POLL: variants seen among roughly 807,000 people sequenced by gnomAD.
POLL encodes the protein DNA polymerase beta-2.
A neutral mutation model predicts 58.1 loss-of-function variants in POLL; 44 were observed. The ratio of observed to expected loss-of-function variants is 0.76; its 90% CI spans 0.60 to 0.97. POLL has a LOEUF of 0.97. Ranked by LOEUF, POLL falls within the 50% of genes least tolerant of loss-of-function variation. The pLI is 0.00. For missense variants in POLL, 632 were observed against 736.8 expected (o/e 0.86, Z 1.65); for synonymous variants, 290 against 283.2 (o/e 1.02, Z -0.24).
intron 3 of POLL, 129 bp downstream of exon 3, chr10:101,585,733 T>A: frequency 1.1e-6 from 1 of 879,544 alleles, no homozygotes; most frequent in Non-Finnish European, 1.7e-6. Flanking sequence ...CTCTTATAGC[T>A]GGGACTACAG....
chr10:101,584,992 A>C, intron 4 of POLL, 73 bp from the exon 5 acceptor site: 3 of 967,056 alleles, frequency 3.1e-6, no homozygotes, highest in Non-Finnish European at 4.2e-6. Context: ...GGTGGGGGTC[A>C]TCTTCTTTGT....
Position 101,585,854 on chromosome 10 carries a change from C to A in POLL, c.410+8G>T. On this transcript the variant is annotated splice_region_variant and intron_variant, in intron 3 of 8. Coordinates refer to ENST00000370162, the MANE Select transcript of POLL (RefSeq NM_001174084.2). ...AAACATTTGAAAAAAAGACTGGGAT[C>A]AGCCCACCTACTGGGGATGAAGATG... 6.5e-7 allele frequency: 1 copy of A among 1,533,680 alleles called. No homozygotes were observed. The highest frequency in any genetic ancestry group is 2.1e-5 in the Admixed American group (1 of 48,380).
Position 101,583,549 on chromosome 10 carries a change from A to C in POLL, c.1024T>G (p.Trp342Gly). 6.2e-7 allele frequency: 1 copy of C among 1,613,820 alleles called. No individual in the cohort carries two copies. Among genetic ancestry groups the C allele is most frequent in the Non-Finnish European group, 8.5e-7 (1 of 1,180,038 alleles). The change falls in exon 6 of 9, where the codon TGG becomes GGG. Residue 342 changes from tryptophan to glycine, a missense_variant. Trp to Gly is a radical substitution (Grantham distance 184). Transcript: ENST00000370162. The part of the protein sequence containing the change: ...VPVLELFSNI[W>G]GAGTKTAQMW... ...TGGGCAGTCTTGGTCCCAGCTCCCCAGATGTTGGAGAAGAGCTCCAAGACA... is the reference window on the plus strand; with the variant it reads ...TGGGCAGTCTTGGTCCCAGCTCCCCCGATGTTGGAGAAGAGCTCCAAGACA...
intron 2 of POLL, among the ~76,000 whole-genome samples, chr10:101,586,619 G>A (rs371338430): frequency 5.3e-4 from 81 of 152,102 alleles, no homozygotes; most frequent in African/African-American, 1.8e-3. Context: ...TCAGCCTCCC[G>A]AGTAGCTGGG....
rs756169685 is a variant in POLL at position 101,584,749 on chromosome 10, C to T, written c.744G>A (p.Lys248=). 1.2e-6 allele frequency: 2 copies of T among 1,614,090 alleles called. No individual in the cohort carries two copies. Among genetic ancestry groups the T allele is most frequent in the Non-Finnish European group, 1.7e-6 (2 of 1,179,976 alleles). Residue 248 remains lysine, a synonymous_variant, in exon 5 of 9, where the codon AAG becomes AAA. Transcript: ENST00000370162. The part of the protein sequence containing the change: ...KWVCAQPSSQ[K]ATNHNLHITE... ...TGATATGGAGGTTGTGATTGGTCGC[C>T]TTCTGGCTTGAGGGCTGTGCACAGA... is the stretch of plus-strand genomic sequence containing the variant.
chr10:101,579,920 T>A lies in POLL; in HGVS notation c.1364-103A>T. On this transcript the variant is annotated intron_variant, in intron 8 of 8. Coordinates refer to ENST00000370162, the MANE Select transcript of POLL (RefSeq NM_001174084.2). This position sits in a 1 kb window ranked among gnomAD's most constrained non-coding sequence, Gnocchi z 4.4. ...GTCTAAGCTGGGGCTTGCCCAGGTA[T>A]TAGCTGGGTGACACTACCCTCTCTG... The A allele has an allele frequency of 7.5e-7, 1 of 1,337,048 alleles. No homozygotes were observed. The highest frequency in any genetic ancestry group is 1.0e-6 in the Non-Finnish European group (1 of 985,668). The allele number at this position is 1,337,048 out of a possible 1,614,324, so 82.8% of individuals were successfully genotyped here. A position where few individuals can be genotyped will look rare whatever the true frequency, so the allele number is the denominator to read the frequency against.
rs995758361 is a variant in POLL at position 101,583,571 on chromosome 10, G to A, written c.1002C>T (p.Val334=). 1 of 1,614,030 alleles carries A rather than the reference G, an allele frequency of 6.2e-7. No individual in the cohort carries two copies. The highest frequency in any genetic ancestry group is 8.5e-7 in the Non-Finnish European group (1 of 1,180,010). The change falls in exon 6 of 9, where the codon GTC becomes GTT. Residue 334 remains valine, a synonymous_variant. Transcript: ENST00000370162. ...KLDHISESVP[V]LELFSNIWGA... ...CCCAGATGTTGGAGAAGAGCTCCAA[G>A]ACAGGCACGCTCTCACTGATATGGT...
Position 101,585,986 on chromosome 10 carries a change from G to C in POLL, c.286C>G (p.Arg96Gly). The change falls in exon 3 of 9, where the codon CGC becomes GGC. Residue 96 changes from arginine (R) to glycine (G), a missense_variant. Coordinates refer to ENST00000370162, the MANE Select transcript of POLL (RefSeq NM_001174084.2). ...DEGMDYERAL[R>G]LLRLPQLPPG... is the part of the protein sequence containing the mutation. ...GGCAGCTGGGGTAGTCTGAGAAGGC[G>C]GAGGGCTCGCTCATAGTCCATGCCT... is the stretch of plus-strand genomic sequence containing the variant. The C allele has an allele frequency of 1.9e-6, 3 of 1,614,110 alleles. No homozygotes were observed. Among genetic ancestry groups the C allele is most frequent in the Non-Finnish European group, 1.7e-6 (2 of 1,180,030 alleles).
rs201665669 is a variant in POLL at position 101,580,313 on chromosome 10, G to A, written c.1298C>T (p.Thr433Ile). Reference sequence around the variant, plus strand: ...CCGGTGGGACCGGCCATCTGGGTGAGTGATGAGCACGTCGACATCACCACA... The same window carrying A: ...CCGGTGGGACCGGCCATCTGGGTGAATGATGAGCACGTCGACATCACCACA... ...ATCGDVDVLI[T>I]HPDGRSHRGI... is the part of the protein sequence containing the mutation. The change falls in exon 8 of 9, where the codon ACT (threonine) becomes ATT (isoleucine). Residue 433 changes from threonine to isoleucine, a missense_variant. Thr to Ile is a moderately conservative substitution (Grantham distance 89). Transcript: ENST00000370162. This position sits in a 1 kb window ranked among gnomAD's most constrained non-coding sequence, Gnocchi z 4.1. The A allele has an allele frequency of 2.5e-6, 4 of 1,614,006 alleles. No individual in the cohort carries two copies. In the African/African-American group the frequency reaches 4.0e-5, roughly 16 times the overall value.
At position 101,587,634 on chromosome 10, in the gene POLL, G is replaced by T. The variant is rs56381759; in HGVS notation, c.-47+188C>A. On this transcript the variant is annotated intron_variant, in intron 1 of 8. Transcript: ENST00000370162. ...GAGGGGAAGGCTGGTGCCATCGGGGGTACTTTTGAGGAGTAGGAAACGACA... is the reference window on the plus strand; with the variant it reads ...GAGGGGAAGGCTGGTGCCATCGGGGTTACTTTTGAGGAGTAGGAAACGACA... The T allele has an allele frequency of 4.5e-5, 44 of 968,808 alleles. No individual in the cohort carries two copies. The East Asian group carries it at 1.9e-3, about 41-fold the overall frequency. The allele number at this position is 968,808 out of a possible 1,614,324, so 60.0% of individuals were successfully genotyped here. A position where few individuals can be genotyped will look rare whatever the true frequency, so the allele number is the denominator to read the frequency against.
At chr10:101,581,996 C>A (rs1266293411) in intron 7 of POLL, 1 of 152,014 alleles carries the variant, frequency 6.6e-6, no homozygotes, top group Non-Finnish European at 1.5e-5. Context: ...TTAGTAGAGA[C>A]GGGGTTTCGC....
chr10:101,583,564 G>A lies in POLL; in HGVS notation c.1009C>T (p.Leu337Phe), dbSNP rs1367802603. Reference protein sequence around the residue: ...HISESVPVLELFSNIWGAGTK... With the variant: ...HISESVPVLEFFSNIWGAGTK... ...CCAGCTCCCCAGATGTTGGAGAAGA[G>A]CTCCAAGACAGGCACGCTCTCACTG... The change falls in exon 6 of 9, where the codon CTC becomes TTC. Residue 337 changes from leucine (L) to phenylalanine (F), a missense_variant. Coordinates refer to ENST00000370162, the MANE Select transcript of POLL (RefSeq NM_001174084.2). 2 of 1,613,794 alleles carry A rather than the reference G, an allele frequency of 1.2e-6. No individual in the cohort carries two copies. Among genetic ancestry groups the A allele is most frequent in the Non-Finnish European group, 1.7e-6 (2 of 1,179,982 alleles).
chr10:101,586,088 C>G lies in POLL; in HGVS notation c.184G>C (p.Glu62Gln). ...GIGRARAELF[E>Q]KQIVQHGGQL... is the part of the protein sequence containing the mutation. The stretch of plus-strand genomic sequence containing the variant: ...CCGCCATGCTGAACAATCTGCTTCT[C>G]AAAGAGTTCTGCCCGGGCTCGTCCA... Residue 62 changes from glutamate (E) to glutamine (Q), a missense_variant, in exon 3 of 9, where the codon GAG becomes CAG. Physicochemically the swap from Glu to Gln is conservative, Grantham distance 29 (BLOSUM62 2). Transcript: ENST00000370162. 6.2e-7 allele frequency: 1 copy of G among 1,614,020 alleles called. No individual in the cohort carries two copies.
intron 5 of POLL, 122 bp downstream of exon 5, chr10:101,584,480 C>CT (rs1276507307): frequency 1.2e-4 from 67 of 568,408 alleles, no homozygotes; most frequent in Non-Finnish European, 1.6e-4. Flanking sequence ...ATCAATTTTC[C>CT]TTTTTTTTCT....
intron 6 of POLL, 52 bp downstream of exon 6, chr10:101,583,456 A>G (rs1213233381): frequency 3.6e-5 from 58 of 1,590,918 alleles, no homozygotes; most frequent in Non-Finnish European, 4.8e-5. Context: ...CATCTGGGGC[A>G]GGAACTCTGA....
chr10:101,583,939 T>TCAC (rs534639231), intron 5 of POLL, among the ~76,000 whole-genome samples: 409 of 152,120 alleles, frequency 2.7e-3, no homozygotes, highest in African/African-American at 9.3e-3. Context: ...ATGATATTAG[T>TCAC]CACCACCACC....
chr10:101,585,421 G>T lies in POLL; in HGVS notation c.468C>A (p.Gly156=). 1 of 1,606,062 alleles carries T rather than the reference G, an allele frequency of 6.2e-7. No individual in the cohort carries two copies. The highest frequency in any genetic ancestry group is 8.5e-7 in the Non-Finnish European group (1 of 1,176,170). ...CTGTCTGAAGCAGGGCCTCATGGGT[G>T]CCAGGAGGAATAGAAGCATCCTGCT... ...KAEQDASIPP[G]THEALLQTAL... Residue 156 remains glycine, a synonymous_variant, in exon 4 of 9, where the codon GGC becomes GGA. Transcript: ENST00000370162.
At position 101,587,413 on chromosome 10, in the gene POLL, G is replaced by A. The variant is rs2063433775; in HGVS notation, c.-46-7C>T. The A allele has an allele frequency of 1.9e-6, 3 of 1,605,912 alleles. No individual in the cohort carries two copies. The highest frequency in any genetic ancestry group is 2.6e-6 in the Non-Finnish European group (3 of 1,176,272). On this transcript the variant is annotated splice_region_variant and splice_polypyrimidine_tract_variant and intron_variant, in intron 1 of 8. Transcript: ENST00000370162. ...GGAGCGTTGGTCAGGGCTGCTGCAC[G>A]TGGAAATCCAGAATTGAGGCCCTCC...
chr10:101,584,087 A>G (rs1186587608), intron 5 of POLL, among the ~76,000 whole-genome samples: 1 of 152,206 alleles, frequency 6.6e-6, no homozygotes, highest in Non-Finnish European at 1.5e-5. Flanking sequence ...ATGCTTTGAG[A>G]GTTTAAGTAA....
Sources: gnomAD v4.1 joint callset for allele counts (sites outside exome capture counted in the v4.1 genomes callset) on GRCh38, gnomAD v4.1.1 for gene constraint, Gnocchi (gnomAD v3.1) non-coding constraint, MANE v1.5 for transcripts, NCBI Gene and HGNC (gene_info 2026-07-23, HGNC 2026-07-21) for gene names.